The following STAC2 variants were observed in gnomAD, a reference collection of about 807,000 sequenced individuals.
STAC2 encodes the protein SH3 and cysteine-rich domain-containing protein 2.
In STAC2, 36 loss-of-function variants were observed where a neutral mutation model predicts 49.0. The ratio of observed to expected loss-of-function variants is 0.74; its 90% CI spans 0.56 to 0.97. The LOEUF is 0.97. Ranked by LOEUF, STAC2 falls within the 50% of genes least tolerant of loss-of-function variation. STAC2 has a pLI of 0.00. For missense variants in STAC2, 527 were observed against 543.8 expected (o/e 0.97, Z 0.31); for synonymous variants, 239 against 214.7 (o/e 1.11, Z -0.99).
intron 1 of STAC2, among the ~76,000 whole-genome samples, chr17:39,221,739 G>A (rs970249006): frequency 6.6e-6 from 1 of 151,914 alleles, no homozygotes; most frequent in Non-Finnish European, 1.5e-5. Flanking sequence ...TCGCCTCTCA[G>A]CTGGGCCCTG....
At chr17:39,213,402 G>C in intron 9 of STAC2, 105 bp downstream of exon 9, 8 of 1,415,690 alleles carry the variant, frequency 5.7e-6, no homozygotes, top group Non-Finnish European at 7.8e-6. Flanking sequence ...TTGGAGGAGA[G>C]GTTGTCTTTG....
chr17:39,224,764 C>G (rs531614116), intron 1 of STAC2, among the ~76,000 whole-genome samples: 1 of 152,190 alleles, frequency 6.6e-6, no homozygotes, highest in Admixed American at 6.5e-5. Flanking sequence ...CGCAGGCCCC[C>G]GTCCTCGCCC....
chr17:39,215,771 C>T (rs9911410), intron 4 of STAC2, among the ~76,000 whole-genome samples: 21,767 of 152,114 alleles, frequency 0.14, 5,053 homozygotes, highest in African/African-American at 0.49. Context: ...TGGCACGATC[C>T]TGGCTTACTG....
At position 39,217,899 on chromosome 17, in the gene STAC2, C is replaced by T; in HGVS notation, c.365G>A (p.Ser122Asn). 1 of 1,606,992 alleles carries T rather than the reference C, an allele frequency of 6.2e-7. No homozygotes were observed. Among genetic ancestry groups the T allele is most frequent in the Non-Finnish European group, 8.5e-7 (1 of 1,177,372 alleles). The change falls in exon 2 of 11, where the codon AGC (serine) becomes AAC (asparagine). Residue 122 changes from serine (S) to asparagine (N), a missense_variant. By Grantham distance (46) the Ser-to-Asn change is conservative. Transcript: ENST00000333461. ...GAGCTGGTGGCACAGCTCACAAGGG[C>T]TAGCTCGCTTGAAGACATGTTCCTG... is the stretch of plus-strand genomic sequence containing the variant. ...SFQEHVFKRASPCELCHQLIV... is the reference protein window; with the variant it reads ...SFQEHVFKRANPCELCHQLIV...
In STAC2 at chr17:39,212,093, A is replaced by C; in HGVS notation, c.*199T>G. ...CCCCATCCCCGCCAAGTCCCAGAGG[A>C]TCAACCCACTCAGGGCACCCCACCC... On this transcript the variant is annotated 3_prime_UTR_variant, in exon 11 of 11. Transcript: ENST00000333461. 1 of 146,268 alleles carries C rather than the reference A, an allele frequency of 6.8e-6. No individual in the cohort carries two copies. The highest frequency in any genetic ancestry group is 1.3e-5 in the Non-Finnish European group (1 of 75,558). The allele number at this position is 146,268 out of a possible 1,614,324, so 9.1% of individuals were successfully genotyped here.
rs1374689835 is a variant in STAC2 at position 39,216,535 on chromosome 17, T to A, written c.586+275A>T. 2.0e-5 allele frequency among the ~76,000 whole-genome samples: 3 copies of A among 152,194 alleles called. No homozygotes were observed. In the East Asian group the frequency reaches 5.8e-4, roughly 29 times the overall value. The stretch of plus-strand genomic sequence containing the variant: ...GAACCCCAAATTCAGGACAGGAACA[T>A]CCAGAGAAGGGAAATGGTAGGAACT... On this transcript the variant is annotated intron_variant, in intron 4 of 10. Coordinates refer to ENST00000333461, the MANE Select transcript of STAC2 (RefSeq NM_198993.5).
chr17:39,214,329 AGCT>A lies in STAC2; in HGVS notation c.844-2_844del, dbSNP rs2046381683. The A allele has an allele frequency of 6.2e-7, 1 of 1,613,798 alleles. No homozygotes were observed. Among genetic ancestry groups the A allele is most frequent in the Admixed American group, 1.7e-5 (1 of 59,978 alleles). On this transcript the variant is annotated splice_acceptor_variant and coding_sequence_variant, in exon 8 of 11. Coordinates refer to ENST00000333461, the MANE Select transcript of STAC2 (RefSeq NM_198993.5). LOFTEE classifies it high-confidence loss of function. Reference sequence around the variant, plus strand: ...ATCCTTCCGCAGGGTGGCTTTGGGGAGCTGCGGGAGAATCTCTGGGTCGGTGAC... The same window carrying A: ...ATCCTTCCGCAGGGTGGCTTTGGGGAGCGGGAGAATCTCTGGGTCGGTGAC...
chr17:39,225,411 A>G lies in STAC2; in HGVS notation c.90+2T>C, dbSNP rs989006557. On this transcript the variant is annotated splice_donor_variant, in intron 1 of 10. Coordinates refer to ENST00000333461, the MANE Select transcript of STAC2 (RefSeq NM_198993.5). LOFTEE classifies it high-confidence loss of function. This position sits in a 1 kb window ranked among gnomAD's most constrained non-coding sequence, Gnocchi z 8.2. ...GGACAGGCCTTGCGCCCCCCAAGTT[A>G]CCTTGGTTTCCTGGAGGGCGGAGAC... The G allele has an allele frequency of 1.3e-6, 2 of 1,599,832 alleles. No individual in the cohort carries two copies. The highest frequency in any genetic ancestry group is 1.7e-6 in the Non-Finnish European group (2 of 1,175,812).
At chr17:39,223,223 G>C (rs185784849) in intron 1 of STAC2, among the ~76,000 whole-genome samples, 1 of 152,310 alleles carries the variant, frequency 6.6e-6, no homozygotes, top group East Asian at 1.9e-4. Flanking sequence ...GCACCCAACT[G>C]TACTCTTCCA....
At position 39,225,339 on chromosome 17, in the gene STAC2, C is replaced by G; in HGVS notation, c.90+74G>C. The G allele has an allele frequency of 7.6e-7, 1 of 1,319,588 alleles. No homozygotes were observed. The highest frequency in any genetic ancestry group is 2.5e-5 in the Admixed American group (1 of 40,772). The allele number at this position is 1,319,588 out of a possible 1,614,324, so 81.7% of individuals were successfully genotyped here. On this transcript the variant is annotated intron_variant, in intron 1 of 10. Transcript: ENST00000333461. The surrounding 1 kb of genome is among the most constrained non-coding windows in gnomAD (Gnocchi z 8.2). ...CGACCGCGACCCTAGGACGCCCGGGCCCACAGGAGGACCCCGCCGGGAAGA... is the reference window on the plus strand; with the variant it reads ...CGACCGCGACCCTAGGACGCCCGGGGCCACAGGAGGACCCCGCCGGGAAGA...
chr17:39,224,634 A>T (rs1300190744), intron 1 of STAC2, among the ~76,000 whole-genome samples: 2 of 152,192 alleles, frequency 1.3e-5, no homozygotes, highest in South Asian at 2.1e-4. Flanking sequence ...AATTAGGGTT[A>T]ATGATGACAT....
In STAC2 at chr17:39,217,130, G is replaced by A. The variant is rs756123650; in HGVS notation, c.441C>T (p.Ser147=). The change falls in exon 3 of 11, where the codon AGC becomes AGT. Residue 147 remains serine (S), a synonymous_variant. Coordinates refer to ENST00000333461, the MANE Select transcript of STAC2 (RefSeq NM_198993.5). The part of the protein sequence containing the change: ...QGLRCKMCKV[S]VHLWCSEEIS... ...TCTCCTCAGAGCACCAGAGGTGGAC[G>A]CTGACTTTGCACATCTTACATCGCA... The A allele has an allele frequency of 2.2e-5, 36 of 1,613,786 alleles. 2 individuals carry two copies. Among genetic ancestry groups the A allele is most frequent in the Non-Finnish European group, 2.5e-5 (29 of 1,179,968 alleles).
Position 39,215,027 on chromosome 17 carries a change from G to A in STAC2, c.700-4C>T, listed in dbSNP as rs776575366. 3.1e-6 allele frequency: 5 copies of A among 1,613,972 alleles called. No homozygotes were observed. The African/African-American group carries it at 6.7e-5, about 22-fold the overall frequency. ...CGGTCAGCTCATCCCGCTCACTCTA[G>A]GGACAGAGAGAGGAGAGGGCTCAGC... is the stretch of plus-strand genomic sequence containing the variant. On this transcript the variant is annotated splice_region_variant and splice_polypyrimidine_tract_variant and intron_variant, in intron 5 of 10. Transcript: ENST00000333461.
Position 39,213,150 on chromosome 17 carries a change from A to G in STAC2, c.994-18T>C. On this transcript the variant is annotated intron_variant, in intron 9 of 10. Transcript: ENST00000333461. ...ATCTTGCCCTGGGGATGAGGTTGGC[A>G]ATGAACACCCGCGCCACACCCCACC... is the stretch of plus-strand genomic sequence containing the variant. 1.2e-6 allele frequency: 2 copies of G among 1,603,634 alleles called. No individual in the cohort carries two copies. Among genetic ancestry groups the G allele is most frequent in the Non-Finnish European group, 1.7e-6 (2 of 1,179,906 alleles).
Position 39,212,546 on chromosome 17 carries a change from A to C in STAC2, c.1132-150T>G, listed in dbSNP as rs143277309. On this transcript the variant is annotated intron_variant, in intron 10 of 10. Transcript: ENST00000333461. ...CCCTTTGCTGGAGTGATGGGACCAGATCCCAGGAGTGTAGAGGCCTCAGCA... is the reference window on the plus strand; with the variant it reads ...CCCTTTGCTGGAGTGATGGGACCAGCTCCCAGGAGTGTAGAGGCCTCAGCA... The C allele has an allele frequency of 6.3e-3, 4,000 of 632,136 alleles. 21 individuals carry two copies. Among genetic ancestry groups the C allele is most frequent in the Non-Finnish European group, 8.6e-3 (3,108 of 360,408 alleles). The allele number at this position is 632,136 out of a possible 1,614,324, so 39.2% of individuals were successfully genotyped here.
chr17:39,213,147 G>A lies in STAC2; in HGVS notation c.994-15C>T. 1 of 1,604,264 alleles carries A rather than the reference G, an allele frequency of 6.2e-7. No individual in the cohort carries two copies. Among genetic ancestry groups the A allele is most frequent in the Non-Finnish European group, 8.5e-7 (1 of 1,179,916 alleles). ...CCGATCTTGCCCTGGGGATGAGGTT[G>A]GCAATGAACACCCGCGCCACACCCC... On this transcript the variant is annotated splice_polypyrimidine_tract_variant and intron_variant, in intron 9 of 10. Transcript: ENST00000333461.
Position 39,218,044 on chromosome 17 carries a change from G to A in STAC2, c.220C>T (p.Leu74=). 11 of 1,605,470 alleles carry A rather than the reference G, an allele frequency of 6.9e-6. No homozygotes were observed. Among genetic ancestry groups the A allele is most frequent in the Non-Finnish European group, 9.3e-6 (11 of 1,176,908 alleles). Residue 74 remains leucine, a synonymous_variant, in exon 2 of 11, where the codon CTG becomes TTG. Coordinates refer to ENST00000333461, the MANE Select transcript of STAC2 (RefSeq NM_198993.5). Reference sequence around the variant, plus strand: ...GTGGGTGGTGGGGAGGGAGGGGGCAGTGGGGTTGGGGGCGTCAGCAGCACC... The same window carrying A: ...GTGGGTGGTGGGGAGGGAGGGGGCAATGGGGTTGGGGGCGTCAGCAGCACC... The part of the protein sequence containing the change: ...TEVLLTPPTP[L]PPPSPPPTAS...
chr17:39,214,909 C>T, intron 6 of STAC2, 42 bp downstream of exon 6: 1 of 1,613,968 alleles, frequency 6.2e-7, no homozygotes, highest in East Asian at 2.2e-5. Context: ...GAGCACCCTC[C>T]ATTGTACCCC....
At chr17:39,220,625 C>G (rs563785399) in intron 1 of STAC2, among the ~76,000 whole-genome samples, 1 of 151,930 alleles carries the variant, frequency 6.6e-6, no homozygotes, top group African/African-American at 2.4e-5. Flanking sequence ...CAGGCTCCTG[C>G]CACCATGCCC....
Sources: allele counts gnomAD v4.1 joint callset (sites outside exome capture counted in the v4.1 genomes callset), GRCh38; gene constraint gnomAD v4.1.1; non-coding constraint Gnocchi (gnomAD v3.1); transcripts MANE v1.5; gene names NCBI Gene and HGNC (gene_info 2026-07-23, HGNC 2026-07-21).